MUC4: variants seen among roughly 807,000 people sequenced by gnomAD.
MUC4 encodes the protein mucin 4, cell surface associated.
A neutral mutation model predicts 257.9 loss-of-function variants in MUC4; 202 were observed. The ratio of observed to expected loss-of-function variants is 0.78; its 90% confidence interval spans 0.70 to 0.88. MUC4 has a LOEUF of 0.88. Ranked by LOEUF, MUC4 falls within the 40% of genes least tolerant of loss-of-function variation. The pLI, the probability that MUC4 is intolerant of heterozygous loss-of-function variation, is 0.00. For missense variants in MUC4, 5,976 were observed against 6,513.7 expected (o/e 0.92, Z 2.84); for synonymous variants, 2,351 against 2,757.1 (o/e 0.85, Z 4.62).
intron 7 of MUC4, among the ~76,000 whole-genome samples, chr3:195,767,516 T>TCACCACCACCATCGCCAC (rs1560261079): frequency 1.7e-5 from 1 of 59,226 alleles, no homozygotes; most frequent in Non-Finnish European, 3.5e-5. Context: ...ACCATCACCA[T>TCACCACCACCATCGCCAC]CACCACCACC....
chr3:195,787,971 G>A lies in MUC4; in HGVS notation c.3609C>T (p.Val1203=), dbSNP rs781183699. ...ASTGHATPLL[V]TDTSSASTGH... is the part of the protein sequence containing the mutation. ...CTGTGGATGCTGAGGAAGTGTCGGTGACAAGAAGAGGGGTGGCGTGACCTG... is the reference window on the plus strand; with the variant it reads ...CTGTGGATGCTGAGGAAGTGTCGGTAACAAGAAGAGGGGTGGCGTGACCTG... Residue 1203 remains valine (V), a synonymous_variant, in exon 2 of 25, where the codon GTC becomes GTT. Transcript: ENST00000463781. 5 of 1,253,776 alleles carry A rather than the reference G, an allele frequency of 4.0e-6. No homozygotes were observed. Among genetic ancestry groups the A allele is most frequent in the Non-Finnish European group, 2.1e-6 (2 of 937,558 alleles). The allele number at this position is 1,253,776 out of a possible 1,614,324, so 77.7% of individuals were successfully genotyped here.
chr3:195,762,313 C>T (rs1174670628), intron 13 of MUC4, 59 bp from the exon 14 acceptor site: 27 of 1,499,498 alleles, frequency 1.8e-5, no homozygotes, highest in East Asian at 2.5e-5. Flanking sequence ...CCGCACCAAA[C>T]CCGCGCCCTG....
intron 1 of MUC4, among the ~76,000 whole-genome samples, chr3:195,799,265 CTG>C (rs1350416476): frequency 4.4e-4 from 36 of 81,452 alleles, no homozygotes; most frequent in African/African-American, 1.1e-3. Context: ...GTGTGTGACA[CTG>C]TGTGTGTGTG....
intron 21 of MUC4, 181 bp from the exon 22 acceptor site, chr3:195,751,452 G>C (rs1716423703): frequency 1.6e-6 from 1 of 618,924 alleles, no homozygotes; most frequent in South Asian, 1.9e-5. Context: ...GAGTGTCATG[G>C]GTCCTTGCTT....
intron 1 of MUC4, among the ~76,000 whole-genome samples, chr3:195,807,415 C>T (rs1736120667): frequency 6.6e-6 from 1 of 152,110 alleles, no homozygotes; most frequent in Non-Finnish European, 1.5e-5. Context: ...CTGCACTGAG[C>T]TGAGACCACG....
chr3:195,751,928 A>G (rs918888183), intron 21 of MUC4: 1 of 212,946 alleles, frequency 4.7e-6, no homozygotes, highest in African/African-American at 2.3e-5. Flanking sequence ...CACCTGCTCT[A>G]GTGAGGGGCA....
rs1560220045 is a variant in MUC4 at position 195,752,356 on chromosome 3, CG to C, written c.15582+16del. 6.2e-7 allele frequency: 1 copy of C among 1,607,216 alleles called. No individual in the cohort carries two copies. Among genetic ancestry groups the C allele is most frequent in the Non-Finnish European group, 8.5e-7 (1 of 1,173,676 alleles). On this transcript the variant is annotated intron_variant, in intron 21 of 24. Coordinates refer to ENST00000463781, the MANE Select transcript of MUC4 (RefSeq NM_018406.7). ...CAAGCGCCCCCTCCCACCCAGAGCG[CG>C]GCCTGCAGCACTGACCGAGGCGTTG...
intron 1 of MUC4, among the ~76,000 whole-genome samples, chr3:195,797,155 G>T (rs1734677095): frequency 6.6e-6 from 1 of 152,022 alleles, no homozygotes; most frequent in African/African-American, 2.4e-5. Context: ...TGTAATCCCA[G>T]CTACTCAGGA....
rs774211863 is a variant in MUC4 at position 195,782,923 on chromosome 3, G to C, written c.8657C>G (p.Ala2886Gly). ...AGCGTGACCTGTGGACACTGAGGAA[G>C]CGTCGGTGACAGGAAGAGGGGTGGC... ...GHATPLPVTD[A>G]SSVSTGHATP... Residue 2886 changes from alanine (A) to glycine (G), a missense_variant, in exon 2 of 25, where the codon GCT becomes GGT. Ala to Gly is a moderately conservative substitution (Grantham distance 60). This residue lies in a region of MUC4 where 228 missense variants were observed against 206.3 expected (regional missense o/e 1.11). Transcript: ENST00000463781. The C allele has an allele frequency of 4.4e-5, 65 of 1,475,094 alleles. 4 individuals carry two copies. The highest frequency in any genetic ancestry group is 5.8e-5 in the Non-Finnish European group (64 of 1,098,090). The allele number at this position is 1,475,094 out of a possible 1,614,324, so 91.4% of individuals were successfully genotyped here. A position where few individuals can be genotyped will look rare whatever the true frequency, so the allele number is the denominator to read the frequency against.
intron 3 of MUC4, among the ~76,000 whole-genome samples, 180 bp downstream of exon 3, chr3:195,778,123 C>T (rs568435493): frequency 1.4e-4 from 22 of 152,228 alleles, no homozygotes; most frequent in African/African-American, 5.3e-4. Flanking sequence ...TCTCTGTCTC[C>T]AGCTCCTGGC....
At chr3:195,752,312 C>A in intron 21 of MUC4, 61 bp downstream of exon 21, 1 of 1,415,676 alleles carries the variant, frequency 7.1e-7, no homozygotes, top group Non-Finnish European at 1.0e-6. Flanking sequence ...GCGATGGTTC[C>A]GCCCTGGCCT....
At chr3:195,803,811 G>A (rs1735653686) in intron 1 of MUC4, among the ~76,000 whole-genome samples, 1 of 152,216 alleles carries the variant, frequency 6.6e-6, no homozygotes, top group African/African-American at 2.4e-5. Context: ...GACTGCCACC[G>A]AGTGGATGGA....
intron 4 of MUC4, 122 bp from the exon 5 acceptor site, chr3:195,771,938 C>T (rs1407122009): frequency 4.6e-6 from 5 of 1,077,496 alleles, no homozygotes; most frequent in African/African-American, 1.6e-5. Flanking sequence ...GCTAACAACC[C>T]CTGGAAGTCA....
In MUC4 at chr3:195,810,544, G is replaced by A. The variant is rs1283508477; in HGVS notation, c.82+1192C>T. Among the ~76,000 whole-genome samples, 3 of 152,204 alleles carry A rather than the reference G, an allele frequency of 2.0e-5. No individual in the cohort carries two copies. Among genetic ancestry groups the A allele is most frequent in the African/African-American group, 4.8e-5 (2 of 41,454 alleles). ...CTCCCCTCCCAGCTCTGTACACGGA[G>A]GAGCCCAAGGCCAATGCCGGGGCTA... is the stretch of plus-strand genomic sequence containing the variant. On this transcript the variant is annotated intron_variant, in intron 1 of 24. Transcript: ENST00000463781. This position sits in a 1 kb window ranked among gnomAD's most constrained non-coding sequence, Gnocchi z 4.2.
chr3:195,787,373 T>C lies in MUC4; in HGVS notation c.4207A>G (p.Thr1403Ala). Residue 1403 changes from threonine to alanine, a missense_variant, in exon 2 of 25, where the codon ACA becomes GCA. Thr to Ala is a moderately conservative substitution (Grantham distance 58). This residue lies in a region of MUC4 where 58 missense variants were observed against 65.4 expected (regional missense o/e 0.89). Transcript: ENST00000463781. The stretch of plus-strand genomic sequence containing the variant: ...ACAAGAAGAGGGGTGGCGTGACCTG[T>C]GGATGCTGAGGAAGGGCTAGTGACA... The part of the protein sequence containing the change: ...LPVTSPSSAS[T>A]GHATPLLVTD... The C allele has an allele frequency of 1.3e-6, 1 of 747,724 alleles. No homozygotes were observed. The highest frequency in any genetic ancestry group is 3.2e-5 in the East Asian group (1 of 31,454). 46.3% of individuals were successfully genotyped at this position (747,724 alleles called of 1,614,324 possible).
At chr3:195,759,043 A>C in intron 17 of MUC4, 81 bp downstream of exon 17, 1 of 1,528,900 alleles carries the variant, frequency 6.5e-7, no homozygotes, top group Non-Finnish European at 8.9e-7. Context: ...TGGGTGTAGC[A>C]ATGCAGAATT....
intron 1 of MUC4, among the ~76,000 whole-genome samples, chr3:195,806,084 T>C (rs1735953605): frequency 6.6e-6 from 1 of 152,166 alleles, no homozygotes; most frequent in Admixed American, 6.5e-5. Context: ...CCACAGCACT[T>C]CAGCCTGGGT....
chr3:195,774,142 C>T, intron 4 of MUC4, 30 bp downstream of exon 4: 1 of 1,577,238 alleles, frequency 6.3e-7, no homozygotes, highest in Admixed American at 1.9e-5. Flanking sequence ...CCTGGGAGTT[C>T]AGGCTGCGCG....
At chr3:195,767,761 CA>C in intron 7 of MUC4, among the ~76,000 whole-genome samples, 1 of 107,296 alleles carries the variant, frequency 9.3e-6, no homozygotes, top group African/African-American at 3.9e-5. Flanking sequence ...CCACCACCAT[CA>C]CCACCACCAC....
Sources: allele counts gnomAD v4.1 joint callset (sites outside exome capture counted in the v4.1 genomes callset), GRCh38; gene constraint gnomAD v4.1.1; regional missense constraint gnomAD v4.1.1; non-coding constraint Gnocchi (gnomAD v3.1); transcripts MANE v1.5; gene names NCBI Gene and HGNC (gene_info 2026-07-23, HGNC 2026-07-21).